AGMO: variants seen among roughly 807,000 people sequenced by gnomAD.
The protein encoded by AGMO is alkylglycerol monooxygenase, also known as glyceryl-ether monooxygenase.
A neutral mutation model predicts 60.2 loss-of-function variants in AGMO; 75 were observed. The ratio of observed to expected loss-of-function variants is 1.25; its 90% CI spans 1.03 to 1.51. AGMO has a LOEUF of 1.51. AGMO is among the 40% of genes most tolerant of loss of function. The probability of loss-of-function intolerance (pLI) is 0.00; values close to 1 mark genes in which losing one functional copy is unlikely to be tolerated. For synonymous variants in AGMO, 261 were observed against 177.1 expected (o/e 1.47, Z -3.76); for missense variants, 763 against 525.5 (o/e 1.45, Z -4.42).
At chr7:15,547,479 G>A (rs1326693290) in intron 2 of AGMO, among the ~76,000 whole-genome samples, 1 of 152,106 alleles carries the variant, frequency 6.6e-6, no homozygotes, top group Non-Finnish European at 1.5e-5. Context: ...GCGAGCCGAA[G>A]CAGGGCAAGG....
Position 15,259,512 on chromosome 7 carries a change from G to A in AGMO, c.1264-58153C>T, listed in dbSNP as rs117510034. 7.9e-3 allele frequency among the ~76,000 whole-genome samples: 1,197 copies of A among 152,060 alleles called. 15 individuals are homozygous for A. Among genetic ancestry groups the A allele is most frequent in the African/African-American group, 0.025 (1,037 of 41,456 alleles). On this transcript the variant is annotated intron_variant, in intron 12 of 12. Coordinates refer to ENST00000342526, the MANE Select transcript of AGMO (RefSeq NM_001004320.2). Reference sequence around the variant, plus strand: ...GGGAATAATTGAGGAAAACTACCCCGGCTTTACTAGAGATCTAGACATCCA... The same window carrying A: ...GGGAATAATTGAGGAAAACTACCCCAGCTTTACTAGAGATCTAGACATCCA...
intron 12 of AGMO, among the ~76,000 whole-genome samples, chr7:15,261,656 C>T (rs999824738): frequency 6.6e-6 from 1 of 151,854 alleles, no homozygotes; most frequent in Admixed American, 6.6e-5. Flanking sequence ...TTCCATGAAG[C>T]CAGTATCACC....
intron 5 of AGMO, among the ~76,000 whole-genome samples, chr7:15,395,330 A>AT (rs1784328735): frequency 6.6e-6 from 1 of 151,808 alleles, no homozygotes; most frequent in Admixed American, 6.5e-5. Context: ...AGAAATAGAG[A>AT]TAAGACTGCT....
chr7:15,536,539 A>C (rs1473686399), intron 3 of AGMO, among the ~76,000 whole-genome samples: 4 of 151,870 alleles, frequency 2.6e-5, no homozygotes, highest in Admixed American at 1.3e-4. Context: ...ACCTGCCCCT[A>C]TTATTATTGT....
At chr7:15,509,377 A>T (rs1024798724) in intron 3 of AGMO, among the ~76,000 whole-genome samples, 5 of 151,670 alleles carry the variant, frequency 3.3e-5, no homozygotes, top group African/African-American at 7.3e-5. Flanking sequence ...CATGCAAAAA[A>T]AAAAATAAAA....
chr7:15,277,060 C>T (rs1783818507), intron 12 of AGMO, among the ~76,000 whole-genome samples: 2 of 151,970 alleles, frequency 1.3e-5, no homozygotes, highest in Non-Finnish European at 2.9e-5. Flanking sequence ...GTAATCCCAG[C>T]ACTTTGGGAG....
At chr7:15,179,007 T>G in the AGMO span, among the ~76,000 whole-genome samples, 16 of 152,226 alleles carry the variant, frequency 1.1e-4, no homozygotes, top group East Asian at 1.4e-3. Flanking sequence ...TGGCATTAAT[T>G]TATTCATAAG....
At chr7:15,265,611 TAA>T (rs111422194) in intron 12 of AGMO, among the ~76,000 whole-genome samples, 1 of 149,352 alleles carries the variant, frequency 6.7e-6, no homozygotes, top group Non-Finnish European at 1.5e-5. Flanking sequence ...TGGATACAAT[TAA>T]AAAAAAAATG....
At chr7:15,473,117 C>T (rs919432451) in intron 3 of AGMO, among the ~76,000 whole-genome samples, 1 of 151,874 alleles carries the variant, frequency 6.6e-6, no homozygotes, top group African/African-American at 2.4e-5. Context: ...ATACTATAAA[C>T]ACTTCTACGC....
chr7:15,343,882 T>C (rs1481415850), intron 12 of AGMO, among the ~76,000 whole-genome samples: 1 of 152,202 alleles, frequency 6.6e-6, no homozygotes, highest in Non-Finnish European at 1.5e-5. Context: ...TAAGCAAGCA[T>C]AGTTTAAAAG....
chr7:15,204,909 A>G (rs1203173594), intron 12 of AGMO, among the ~76,000 whole-genome samples: 1 of 151,890 alleles, frequency 6.6e-6, no homozygotes, highest in African/African-American at 2.4e-5. Context: ...CCCAAACTGG[A>G]CTCGAACTCC....
chr7:15,508,354 G>T (rs895563244), intron 3 of AGMO, among the ~76,000 whole-genome samples: 4 of 152,114 alleles, frequency 2.6e-5, no homozygotes, highest in Non-Finnish European at 5.9e-5. Flanking sequence ...GATGAATCAT[G>T]GATGCAAGTT....
At chr7:15,287,788 T>A (rs1223265356) in intron 12 of AGMO, among the ~76,000 whole-genome samples, 1 of 152,104 alleles carries the variant, frequency 6.6e-6, no homozygotes, top group African/African-American at 2.4e-5. Context: ...AGCTAAATTT[T>A]TTTTTGTATG....
intron 12 of AGMO, among the ~76,000 whole-genome samples, chr7:15,243,970 G>A (rs28477564): frequency 0.79 from 120,037 of 151,986 alleles, 48,262 homozygotes; most frequent in African/African-American, 0.94. Context: ...CATACTTTAG[G>A]TCATAAATCA....
At chr7:15,158,145 T>G in the AGMO span, among the ~76,000 whole-genome samples, 1 of 152,172 alleles carries the variant, frequency 6.6e-6, no homozygotes, top group Non-Finnish European at 1.5e-5. Context: ...AATTAGTGCA[T>G]TTTTTTAGAT....
At chr7:15,338,342 A>G (rs992490655) in intron 12 of AGMO, among the ~76,000 whole-genome samples, 1 of 152,218 alleles carries the variant, frequency 6.6e-6, no homozygotes, top group African/African-American at 2.4e-5. Flanking sequence ...TAATAGTTAT[A>G]TACATTAATT....
At chr7:15,138,326 C>T in the AGMO span, among the ~76,000 whole-genome samples, 308 of 152,268 alleles carry the variant, frequency 2.0e-3, no homozygotes, top group African/African-American at 7.0e-3. Flanking sequence ...TTGTATACGT[C>T]TCACGACTTT....
intron 5 of AGMO, among the ~76,000 whole-genome samples, chr7:15,408,946 A>T (rs1345293478): frequency 6.6e-6 from 1 of 151,738 alleles, no homozygotes; most frequent in Non-Finnish European, 1.5e-5. Context: ...AATGTATGGA[A>T]TAATAGCATA....
At chr7:15,126,605 T>C in the AGMO span, among the ~76,000 whole-genome samples, 1 of 152,120 alleles carries the variant, frequency 6.6e-6, no homozygotes, top group African/African-American at 2.4e-5. Flanking sequence ...CTACAAACCA[T>C]AAATTCTCAT....
Sources: allele counts gnomAD v4.1 joint callset (sites outside exome capture counted in the v4.1 genomes callset), GRCh38; gene constraint gnomAD v4.1.1; transcripts MANE v1.5; gene names NCBI Gene and HGNC (gene_info 2026-07-23, HGNC 2026-07-21).